FAM240B: variants seen among roughly 807,000 people sequenced by gnomAD.
FAM240B encodes protein FAM240B.
intron 2 of FAM240B, among the ~76,000 whole-genome samples, chr9:38,701,265 T>C (rs1040522898): frequency 6.6e-6 from 1 of 152,158 alleles, no homozygotes; most frequent in African/African-American, 2.4e-5. Flanking sequence ...ATGATATTCA[T>C]TGGTCTGCAA....
intron 2 of FAM240B, among the ~76,000 whole-genome samples, chr9:38,703,054 G>A (rs1243912708): frequency 1.3e-5 from 2 of 152,034 alleles, no homozygotes; most frequent in Non-Finnish European, 2.9e-5. Context: ...ATGTATTGAG[G>A]CCAAGGATGC....
intron 1 of FAM240B, among the ~76,000 whole-genome samples, chr9:38,708,689 C>T (rs992103825): frequency 6.6e-6 from 1 of 152,186 alleles, no homozygotes; most frequent in Non-Finnish European, 1.5e-5. Context: ...TCCCCAAATG[C>T]CCCTCCCCAC....
chr9:38,706,730 C>T (rs1279012204), intron 1 of FAM240B, among the ~76,000 whole-genome samples: 1 of 152,182 alleles, frequency 6.6e-6, no homozygotes, highest in Non-Finnish European at 1.5e-5. Flanking sequence ...GACTGTCCTC[C>T]AGCCTGACCC....
chr9:38,703,884 T>C lies in FAM240B; in HGVS notation c.116A>G (p.Asp39Gly), dbSNP rs1821158260. ...TTTCAGGGCGCTTCTTTCTTGACGA[T>C]CTTCCTCCAGTTCTCGGTAAAAAGT... ...KQTFYRELEE[D>G]RQERSALKKL... Residue 39 changes from aspartate (D) to glycine (G), a missense_variant, in exon 2 of 3, where the codon GAT (aspartate) becomes GGT (glycine). Coordinates refer to ENST00000637493, the MANE Select transcript of FAM240B (RefSeq NM_001394922.1). 1 of 400,462 alleles carries C rather than the reference T, an allele frequency of 2.5e-6. No individual in the cohort carries two copies. Among genetic ancestry groups the C allele is most frequent in the Admixed American group, 4.4e-5 (1 of 22,720 alleles). 24.8% of individuals were successfully genotyped at this position (400,462 alleles called of 1,614,324 possible).
intron 1 of FAM240B, among the ~76,000 whole-genome samples, chr9:38,713,481 C>CAAAAAAAAAAA (rs77404875): frequency 4.8e-5 from 4 of 83,590 alleles, no homozygotes; most frequent in African/African-American, 1.4e-4. Context: ...CCGTTTCAAA[C>CAAAAAAAAAAA]AAAAAAAAAA....
intron 1 of FAM240B, among the ~76,000 whole-genome samples, chr9:38,706,683 C>T (rs1030175329): frequency 1.3e-5 from 2 of 152,160 alleles, no homozygotes; most frequent in African/African-American, 2.4e-5. Flanking sequence ...GCTGGAGCTG[C>T]GCCGTGGAGC....
At chr9:38,718,547 T>C (rs1047346526) in intron 1 of FAM240B, among the ~76,000 whole-genome samples, 3 of 152,144 alleles carry the variant, frequency 2.0e-5, no homozygotes, top group African/African-American at 7.2e-5. Flanking sequence ...TGGAAAACAA[T>C]TGGCTTTTCT....
At chr9:38,708,799 C>A (rs943729840) in intron 1 of FAM240B, among the ~76,000 whole-genome samples, 1 of 152,152 alleles carries the variant, frequency 6.6e-6, no homozygotes, top group Non-Finnish European at 1.5e-5. Context: ...AATACAGTCT[C>A]CTTGTCTTTA....
At chr9:38,704,162 C>T (rs540120813) in intron 1 of FAM240B, among the ~76,000 whole-genome samples, 160 bp from the exon 2 acceptor site, 2 of 144,820 alleles carry the variant, frequency 1.4e-5, no homozygotes, top group African/African-American at 2.6e-5. Context: ...TATTCTGAGT[C>T]TGTTTCCTCA....
At position 38,702,976 on chromosome 9, in the gene FAM240B, C is replaced by T. The variant is rs577973333; in HGVS notation, c.143+881G>A. ...TATCTGTAAGTCATTGGTTCTCAAT[C>T]GGGGATGACTTTGCCCTCCAGGTGG... On this transcript the variant is annotated intron_variant, in intron 2 of 2. Transcript: ENST00000637493. 2.0e-4 allele frequency among the ~76,000 whole-genome samples: 30 copies of T among 152,256 alleles called. No homozygotes were observed. In the South Asian group the frequency reaches 4.6e-3, roughly 23 times the overall value.
intron 2 of FAM240B, among the ~76,000 whole-genome samples, chr9:38,700,442 G>T (rs1821112515): frequency 6.6e-6 from 1 of 152,152 alleles, no homozygotes. Context: ...CACACTTCTT[G>T]CCCGAAAACA....
intron 2 of FAM240B, among the ~76,000 whole-genome samples, chr9:38,695,339 G>A (rs889759412): frequency 2.0e-5 from 3 of 152,110 alleles, no homozygotes; most frequent in African/African-American, 7.2e-5. Flanking sequence ...TGGCTAACAC[G>A]GCGACACCCC....
At chr9:38,707,793 C>CAA (rs11300800) in intron 1 of FAM240B, among the ~76,000 whole-genome samples, 26,332 of 108,936 alleles carry the variant, frequency 0.24, 3,258 homozygotes, top group Middle Eastern at 0.34. Context: ...GACTCGGTCT[C>CAA]AAAAAAAAAA....
intron 2 of FAM240B, among the ~76,000 whole-genome samples, chr9:38,699,031 C>T (rs1234965703): frequency 6.6e-6 from 1 of 152,168 alleles, no homozygotes; most frequent in African/African-American, 2.4e-5. Context: ...AATTCAGATA[C>T]ATCAGAAGAG....
chr9:38,714,070 G>C (rs1821284959), intron 1 of FAM240B, among the ~76,000 whole-genome samples: 2 of 152,190 alleles, frequency 1.3e-5, no homozygotes, highest in Admixed American at 1.3e-4. Context: ...TGCAGAATTA[G>C]TCAACTGGAG....
chr9:38,717,524 A>T (rs1046377103), intron 1 of FAM240B, among the ~76,000 whole-genome samples: 3 of 152,236 alleles, frequency 2.0e-5, no homozygotes, highest in Non-Finnish European at 2.9e-5. Context: ...TCTGTTGCCC[A>T]GGCTGGAGTG....
At chr9:38,710,300 G>A (rs1821239822) in intron 1 of FAM240B, among the ~76,000 whole-genome samples, 1 of 152,134 alleles carries the variant, frequency 6.6e-6, no homozygotes, top group Non-Finnish European at 1.5e-5. Context: ...CTAAACCTGA[G>A]ATTCTCTCAG....
chr9:38,714,037 T>C (rs1821284672), intron 1 of FAM240B, among the ~76,000 whole-genome samples: 1 of 152,030 alleles, frequency 6.6e-6, no homozygotes, highest in African/African-American at 2.4e-5. Context: ...TAACAGAGGC[T>C]TAAAAAAATA....
intron 1 of FAM240B, among the ~76,000 whole-genome samples, chr9:38,711,211 A>C (rs577090134): frequency 4.6e-5 from 7 of 152,226 alleles, no homozygotes; most frequent in Non-Finnish European, 1.0e-4. Flanking sequence ...CAAGTGGGTC[A>C]TGGTAAGGAT....
Sources: gnomAD v4.1 joint callset for allele counts (sites outside exome capture counted in the v4.1 genomes callset) on GRCh38, gnomAD v4.1.1 for gene constraint, MANE v1.5 for transcripts, NCBI Gene and HGNC (gene_info 2026-07-23, HGNC 2026-07-21) for gene names.